CORO2B: variants seen among roughly 807,000 people sequenced by gnomAD.
CORO2B encodes the protein coronin-2B.
In CORO2B, 26 loss-of-function variants were observed where a neutral mutation model predicts 58.8. The ratio of observed to expected loss-of-function variants is 0.44; its 90% CI spans 0.32 to 0.61. The LOEUF (loss-of-function observed/expected upper bound fraction) is 0.61, where lower values mean the gene tolerates loss of function less well. Among genes scored for constraint, CORO2B ranks in the 20% least tolerant of loss-of-function variants. The probability of loss-of-function intolerance (pLI) is 0.04; values close to 1 mark genes in which losing one functional copy is unlikely to be tolerated. For missense variants in CORO2B, 460 were observed against 645.1 expected, an observed-to-expected ratio of 0.71 and a Z score of 3.11; for synonymous variants, 242 against 253.8, an observed-to-expected ratio of 0.95 and a Z score of 0.44.
chr15:68,626,242 G>T (rs1327461142), intron 1 of CORO2B, among the ~76,000 whole-genome samples: 1 of 152,208 alleles, frequency 6.6e-6, no homozygotes, highest in Non-Finnish European at 1.5e-5. Flanking sequence ...GGGGGCTTGA[G>T]TGTAATTGGA....
At chr15:68,563,259 A>G in the CORO2B span, among the ~76,000 whole-genome samples, 1 of 152,018 alleles carries the variant, frequency 6.6e-6, no homozygotes, top group African/African-American at 2.4e-5. Context: ...AGGCCCAGAC[A>G]GGAGGATCCC....
chr15:68,600,492 G>C (rs1222244053), intron 1 of CORO2B, among the ~76,000 whole-genome samples: 5 of 152,154 alleles, frequency 3.3e-5, no homozygotes, highest in African/African-American at 1.2e-4. Context: ...TCCTAGACCT[G>C]GGTACCTGTA....
At chr15:68,518,659 C>T in the CORO2B span, among the ~76,000 whole-genome samples, 1 of 152,130 alleles carries the variant, frequency 6.6e-6, no homozygotes, top group Non-Finnish European at 1.5e-5. Context: ...ATAGCTTTGG[C>T]TGTGACTGGA....
At chr15:68,633,250 T>C (rs1900904796) in intron 1 of CORO2B, among the ~76,000 whole-genome samples, 1 of 151,982 alleles carries the variant, frequency 6.6e-6, no homozygotes. Context: ...GTAGGGGAAC[T>C]GTTGGCCACA....
At chr15:68,723,935 T>C (rs1010410484) in intron 11 of CORO2B, among the ~76,000 whole-genome samples, 15 of 151,980 alleles carry the variant, frequency 9.9e-5, no homozygotes, top group African/African-American at 3.6e-4. Flanking sequence ...GCCGGGGTGG[T>C]GGCTCACACC....
At chr15:68,547,330 T>C in the CORO2B span, among the ~76,000 whole-genome samples, 1 of 152,190 alleles carries the variant, frequency 6.6e-6, no homozygotes, top group Non-Finnish European at 1.5e-5. Flanking sequence ...CCCATAATCA[T>C]AGGCTCCCTA....
chr15:68,553,342 AG>A, the CORO2B span, among the ~76,000 whole-genome samples: 2 of 58,124 alleles, frequency 3.4e-5, no homozygotes, highest in African/African-American at 1.3e-4. Flanking sequence ...TTATCTGGGT[AG>A]TCCTAAAGTA....
chr15:68,530,062 T>C, the CORO2B span, among the ~76,000 whole-genome samples: 3 of 152,190 alleles, frequency 2.0e-5, no homozygotes, highest in Admixed American at 6.5e-5. Flanking sequence ...CAGTGGCTCA[T>C]GCCTGTAATC....
chr15:68,591,689 T>C (rs753582131), intron 1 of CORO2B, among the ~76,000 whole-genome samples: 5 of 152,138 alleles, frequency 3.3e-5, no homozygotes, highest in African/African-American at 4.8e-5. Context: ...GCCTGGGAGC[T>C]GGGTGTCACA....
chr15:68,660,158 T>C (rs1901967424), intron 2 of CORO2B, among the ~76,000 whole-genome samples: 1 of 152,226 alleles, frequency 6.6e-6, no homozygotes, highest in Non-Finnish European at 1.5e-5. Context: ...TGTGCCTGTA[T>C]CATGGGAGGG....
the CORO2B span, among the ~76,000 whole-genome samples, chr15:68,528,031 A>C: frequency 8.5e-5 from 13 of 152,304 alleles, no homozygotes; most frequent in African/African-American, 2.6e-4. Flanking sequence ...TCAAACCTTT[A>C]AAAATGTATG....
chr15:68,619,275 C>T (rs1900449858), intron 1 of CORO2B, among the ~76,000 whole-genome samples: 1 of 152,152 alleles, frequency 6.6e-6, no homozygotes, highest in South Asian at 2.1e-4. Flanking sequence ...GATCACCTAC[C>T]CTCACTTTCC....
chr15:68,589,616 A>G (rs566166007), intron 1 of CORO2B, among the ~76,000 whole-genome samples: 1 of 152,350 alleles, frequency 6.6e-6, no homozygotes, highest in Non-Finnish European at 1.5e-5. Flanking sequence ...GGGCTCCCCC[A>G]AGTTACTGCT....
At chr15:68,717,928 G>A (rs1350472858) in intron 8 of CORO2B, among the ~76,000 whole-genome samples, 1 of 152,204 alleles carries the variant, frequency 6.6e-6, no homozygotes, top group African/African-American at 2.4e-5. Flanking sequence ...ATCACCTCAG[G>A]TAGGGCCATT....
intron 2 of CORO2B, among the ~76,000 whole-genome samples, chr15:68,672,622 TC>T (rs1902440443): frequency 6.6e-6 from 1 of 152,210 alleles, no homozygotes; most frequent in African/African-American, 2.4e-5. Flanking sequence ...GACAGTGAAT[TC>T]ATCTGACTCT....
chr15:68,565,334 C>T, the CORO2B span, among the ~76,000 whole-genome samples: 2 of 151,118 alleles, frequency 1.3e-5, no homozygotes, highest in African/African-American at 4.9e-5. Context: ...TTTTTATTGG[C>T]ATGCATATAT....
chr15:68,641,197 C>T (rs1468603286), intron 1 of CORO2B, among the ~76,000 whole-genome samples: 2 of 152,196 alleles, frequency 1.3e-5, no homozygotes, highest in African/African-American at 4.8e-5. Flanking sequence ...CATTCTAGGG[C>T]CTGCCCAGGC....
At chr15:68,686,719 T>G (rs1902990243) in intron 2 of CORO2B, among the ~76,000 whole-genome samples, 3 of 151,826 alleles carry the variant, frequency 2.0e-5, no homozygotes, top group Admixed American at 6.6e-5. Flanking sequence ...ATCGACATGG[T>G]GAAACCCCGT....
At chr15:68,552,622 C>T in the CORO2B span, among the ~76,000 whole-genome samples, 1 of 152,168 alleles carries the variant, frequency 6.6e-6, no homozygotes, top group Non-Finnish European at 1.5e-5. Context: ...TGTCCTCCCC[C>T]ATTGCAGACT....
Sources: allele counts gnomAD v4.1 joint callset (sites outside exome capture counted in the v4.1 genomes callset), GRCh38; gene constraint gnomAD v4.1.1; transcripts MANE v1.5; gene names NCBI Gene and HGNC (gene_info 2026-07-23, HGNC 2026-07-21).